The following MCPH1 variants were observed in gnomAD, a reference collection of about 807,000 sequenced individuals.
The protein encoded by MCPH1 is microcephalin.
Under a neutral mutation model 84.5 loss-of-function variants are expected in MCPH1, and 104 were observed. The ratio of observed to expected loss-of-function variants is 1.23; its 90% CI spans 1.05 to 1.45. MCPH1 has a LOEUF of 1.45. MCPH1 is among the 40% of genes most tolerant of loss of function. The pLI, the probability that MCPH1 is intolerant of heterozygous loss-of-function variation, is 0.00. For missense variants in MCPH1, 1,498 were observed against 1,005.7 expected (o/e 1.49, Z -6.62); for synonymous variants, 514 against 366.8 (o/e 1.40, Z -4.58).
chr8:6,568,527 A>T (rs1332578549), intron 12 of MCPH1, among the ~76,000 whole-genome samples: 1 of 152,168 alleles, frequency 6.6e-6, no homozygotes, highest in Admixed American at 6.5e-5. Flanking sequence ...AGATCAAGGG[A>T]TGGAAATGGG....
intron 11 of MCPH1, among the ~76,000 whole-genome samples, chr8:6,496,922 A>G (rs530244187): frequency 1.6e-4 from 24 of 152,276 alleles, no homozygotes; most frequent in South Asian, 1.5e-3. Flanking sequence ...CATTGAAATA[A>G]TTGCTTATTG....
chr8:6,407,340 C>T (rs891169129), intron 1 of MCPH1, among the ~76,000 whole-genome samples: 1 of 152,064 alleles, frequency 6.6e-6, no homozygotes, highest in Non-Finnish European at 1.5e-5. Flanking sequence ...ACCGCTCTAT[C>T]AACTCTCTTA....
chr8:6,465,960 C>CATCT (rs1481682665), intron 9 of MCPH1, among the ~76,000 whole-genome samples: 1 of 150,214 alleles, frequency 6.7e-6, no homozygotes, highest in East Asian at 1.9e-4. Flanking sequence ...TCCATCCATC[C>CATCT]ATCCATCCAT....
chr8:6,597,015 G>A (rs960364256), intron 12 of MCPH1, among the ~76,000 whole-genome samples: 8 of 152,316 alleles, frequency 5.3e-5, no homozygotes, highest in African/African-American at 1.4e-4. Flanking sequence ...CACATTTAGA[G>A]GGTAGGAAGG....
chr8:6,459,984 C>A (rs183497268), intron 9 of MCPH1, among the ~76,000 whole-genome samples: 11 of 152,346 alleles, frequency 7.2e-5, no homozygotes, highest in Non-Finnish European at 1.5e-4. Flanking sequence ...CGGCCACGGG[C>A]TCTGGGGTTA....
At chr8:6,602,041 G>A (rs1252080148) in intron 12 of MCPH1, among the ~76,000 whole-genome samples, 2 of 152,170 alleles carry the variant, frequency 1.3e-5, no homozygotes, top group Admixed American at 6.5e-5. Flanking sequence ...TTTTTTCATA[G>A]CTTTAAATCC....
chr8:6,584,385 A>G (rs1288485328), intron 12 of MCPH1, among the ~76,000 whole-genome samples: 1 of 152,230 alleles, frequency 6.6e-6, no homozygotes, highest in Non-Finnish European at 1.5e-5. Flanking sequence ...CCCCCAAAAC[A>G]TATACCAACT....
At chr8:6,504,362 G>A (rs1293481609) in intron 12 of MCPH1, among the ~76,000 whole-genome samples, 3 of 149,340 alleles carry the variant, frequency 2.0e-5, no homozygotes, top group Non-Finnish European at 4.4e-5. Flanking sequence ...TAAATTGCAT[G>A]CCGTTCTGAG....
chr8:6,527,659 C>G, intron 12 of MCPH1: 1 of 1,613,654 alleles, frequency 6.2e-7, no homozygotes, highest in African/African-American at 1.3e-5. Context: ...GTTCAAGTCT[C>G]GTGGTCTGAT....
At position 6,409,557 on chromosome 8, in the gene MCPH1, T is replaced by C. The variant is rs114102079; in HGVS notation, c.114+187T>C. Among the ~76,000 whole-genome samples the C allele has an allele frequency of 7.0e-3, 1,063 of 152,222 alleles. 10 individuals carry two copies. Among genetic ancestry groups the C allele is most frequent in the African/African-American group, 0.024 (988 of 41,534 alleles). On this transcript the variant is annotated intron_variant, in intron 2 of 13. Coordinates refer to ENST00000344683, the MANE Select transcript of MCPH1 (RefSeq NM_024596.5). Reference sequence around the variant, plus strand: ...TAGGACTTTCAGAACTCAATGCCTGTGGGCATTGAGTGAGGAGGAGGAACC... The same window carrying C: ...TAGGACTTTCAGAACTCAATGCCTGCGGGCATTGAGTGAGGAGGAGGAACC...
At chr8:6,475,148 G>C (rs963050184) in intron 9 of MCPH1, among the ~76,000 whole-genome samples, 1 of 152,214 alleles carries the variant, frequency 6.6e-6, no homozygotes, top group African/African-American at 2.4e-5. Flanking sequence ...ACCATCTCAT[G>C]ATGGTTATCC....
intron 13 of MCPH1, chr8:6,626,136 T>C: frequency 2.0e-6 from 2 of 985,384 alleles, no homozygotes; most frequent in South Asian, 9.4e-5. Context: ...ATTTTACTTG[T>C]AAGAATTTCT....
chr8:6,613,592 A>G (rs535769479), intron 12 of MCPH1, among the ~76,000 whole-genome samples: 1 of 151,082 alleles, frequency 6.6e-6, no homozygotes. Context: ...GGGATTCTGC[A>G]GTTCCCCGGG....
chr8:6,602,599 G>C (rs1470088729), intron 12 of MCPH1, among the ~76,000 whole-genome samples: 1 of 152,058 alleles, frequency 6.6e-6, no homozygotes, highest in Non-Finnish European at 1.5e-5. Flanking sequence ...TTGCCTTTTG[G>C]TTCATTTCCT....
At chr8:6,442,013 C>T (rs1466842233) in intron 6 of MCPH1, 54 bp from the exon 7 acceptor site, 8 of 1,285,312 alleles carry the variant, frequency 6.2e-6, no homozygotes, top group African/African-American at 5.9e-5. Flanking sequence ...CTGGCTTCAT[C>T]TGCTAAGAAA....
intron 12 of MCPH1, among the ~76,000 whole-genome samples, chr8:6,595,999 A>G (rs1828899277): frequency 6.6e-6 from 1 of 152,216 alleles, no homozygotes. Context: ...GTCACATGAG[A>G]CAGTCTCTTT....
chr8:6,582,838 C>G (rs527772938), intron 12 of MCPH1, among the ~76,000 whole-genome samples: 2 of 152,150 alleles, frequency 1.3e-5, no homozygotes, highest in Non-Finnish European at 2.9e-5. Flanking sequence ...TCCTGCTAGC[C>G]TTTCTTCATA....
At chr8:6,445,796 T>C (rs1804270056) in intron 8 of MCPH1, 3 of 1,276,374 alleles carry the variant, frequency 2.4e-6, no homozygotes, top group South Asian at 2.2e-5. Flanking sequence ...TTCCTTCTTA[T>C]AGGTCAAAAG....
At chr8:6,624,336 T>A (rs1239231371) in intron 13 of MCPH1, among the ~76,000 whole-genome samples, 1 of 152,240 alleles carries the variant, frequency 6.6e-6, no homozygotes, top group Non-Finnish European at 1.5e-5. Context: ...GGGTATTGTG[T>A]GTGCTGCAGA....
Sources: gnomAD v4.1 joint callset for allele counts (sites outside exome capture counted in the v4.1 genomes callset) on GRCh38, gnomAD v4.1.1 for gene constraint, MANE v1.5 for transcripts, NCBI Gene and HGNC (gene_info 2026-07-23, HGNC 2026-07-21) for gene names.